The following MMD2 variants were observed in gnomAD, a reference collection of about 807,000 sequenced individuals.
MMD2 encodes the protein monocyte to macrophage differentiation associated 2.
In MMD2, 30 loss-of-function variants were observed where a neutral mutation model predicts 33.5. The ratio of observed to expected loss-of-function variants is 0.90; its 90% CI spans 0.67 to 1.22. The LOEUF is 1.22. MMD2 is among the 50% of genes most tolerant of loss of function. The pLI is 0.00. For missense variants in MMD2, 364 were observed against 325.4 expected (o/e 1.12, Z -0.91); for synonymous variants, 129 against 123.0 (o/e 1.05, Z -0.32).
chr7:4,909,638 G>A (rs1370198993), intron 6 of MMD2: 20 of 686,200 alleles, frequency 2.9e-5, no homozygotes, highest in Non-Finnish European at 4.2e-5. Context: ...GTCTTGCTAT[G>A]TTGCCCAGGC....
Position 4,909,911 on chromosome 7 carries a change from G to C in MMD2, c.507C>G (p.Gly169=). ...AGAGGATGACCAGGGCGGGGAAGAA[G>C]CCCATTACGACGTAGCAGAGAAGCT... ...LVELLCYVVM[G]FFPALVILSM... is the part of the protein sequence containing the mutation. The change falls in exon 6 of 7, where the codon GGC becomes GGG. Residue 169 remains glycine, a synonymous_variant. Coordinates refer to ENST00000401401, the MANE Select transcript of MMD2 (RefSeq NM_198403.4). The C allele has an allele frequency of 3.1e-6, 5 of 1,613,902 alleles. No homozygotes were observed. The highest frequency in any genetic ancestry group is 4.2e-6 in the Non-Finnish European group (5 of 1,179,874).
chr7:4,934,343 A>G (rs1352585747), intron 1 of MMD2, among the ~76,000 whole-genome samples: 1 of 152,144 alleles, frequency 6.6e-6, no homozygotes, highest in Non-Finnish European at 1.5e-5. Flanking sequence ...GTCTCAAGCA[A>G]TCCTCCCGCC....
chr7:4,901,313 C>T (rs917064926), downstream of MMD2, among the ~76,000 whole-genome samples: 2 of 151,778 alleles, frequency 1.3e-5, no homozygotes, highest in South Asian at 2.1e-4. Flanking sequence ...TAGTGGTATG[C>T]GCCTGTAATC....
the MMD2 span, among the ~76,000 whole-genome samples, chr7:4,895,409 T>A: frequency 1.3e-5 from 2 of 151,624 alleles, no homozygotes; most frequent in African/African-American, 4.8e-5. Context: ...AGGCTAGGGG[T>A]GGGATGGGCC....
chr7:4,914,166 C>G (rs1785085679), intron 4 of MMD2, among the ~76,000 whole-genome samples: 1 of 152,092 alleles, frequency 6.6e-6, no homozygotes, highest in Admixed American at 6.6e-5. Flanking sequence ...TCAAAAACTC[C>G]TCATGGATAT....
At chr7:4,919,705 G>A (rs1001305659) in intron 3 of MMD2, among the ~76,000 whole-genome samples, 12 of 152,136 alleles carry the variant, frequency 7.9e-5, no homozygotes, top group African/African-American at 2.4e-4. Context: ...GGCCAACATG[G>A]CGAAACCCCA....
At chr7:4,947,281 G>A (rs889680110) in intron 1 of MMD2, among the ~76,000 whole-genome samples, 3 of 152,120 alleles carry the variant, frequency 2.0e-5, no homozygotes, top group Admixed American at 1.3e-4. Flanking sequence ...GAAGCATGGC[G>A]GCTTCTGCTT....
chr7:4,944,498 C>A (rs1785997100), intron 1 of MMD2, among the ~76,000 whole-genome samples: 1 of 152,122 alleles, frequency 6.6e-6, no homozygotes, highest in South Asian at 2.1e-4. Context: ...GGCCGATGCT[C>A]TCCGTTTTTC....
intron 3 of MMD2, among the ~76,000 whole-genome samples, chr7:4,919,194 C>G (rs1172058004): frequency 6.6e-6 from 1 of 152,184 alleles, no homozygotes; most frequent in Non-Finnish European, 1.5e-5. Context: ...TGTAGCATGC[C>G]TGGAACGAAG....
chr7:4,921,285 G>C (rs543771337), intron 2 of MMD2, among the ~76,000 whole-genome samples: 1 of 152,176 alleles, frequency 6.6e-6, no homozygotes, highest in East Asian at 1.9e-4. Context: ...GCCCTAAGCA[G>C]CACAGGCGCC....
intron 1 of MMD2, among the ~76,000 whole-genome samples, chr7:4,944,758 T>C (rs1786005560): frequency 7.7e-6 from 1 of 129,770 alleles, no homozygotes; most frequent in African/African-American, 3.3e-5. Flanking sequence ...CTTCTTCTTC[T>C]TCTTTTTTTT....
At chr7:4,957,024 G>A (rs986637247) in intron 1 of MMD2, among the ~76,000 whole-genome samples, 3 of 151,990 alleles carry the variant, frequency 2.0e-5, no homozygotes, top group Non-Finnish European at 4.4e-5. Context: ...AAGTTAGCCA[G>A]GCTTGGTGGC....
chr7:4,925,327 T>C, intron 2 of MMD2, 124 bp downstream of exon 2: 1 of 602,278 alleles, frequency 1.7e-6, no homozygotes, highest in Non-Finnish European at 2.6e-6. Flanking sequence ...TGGCCTTCCC[T>C]GAGGGCCACA....
intron 1 of MMD2, among the ~76,000 whole-genome samples, chr7:4,936,608 G>C (rs201028936): frequency 6.6e-6 from 1 of 152,070 alleles, no homozygotes; most frequent in East Asian, 1.9e-4. Flanking sequence ...GCTCAGGCTG[G>C]TTTTGAACTC....
At chr7:4,953,322 A>G (rs527477410) in intron 1 of MMD2, among the ~76,000 whole-genome samples, 6 of 151,284 alleles carry the variant, frequency 4.0e-5, no homozygotes, top group African/African-American at 1.5e-4. Flanking sequence ...TGGAAACACC[A>G]TCAATATCAA....
At chr7:4,911,810 G>A (rs1185950834) in intron 4 of MMD2, among the ~76,000 whole-genome samples, 17 of 151,868 alleles carry the variant, frequency 1.1e-4, no homozygotes, top group Admixed American at 7.2e-4. Context: ...CACCATGCCC[G>A]GCTAATTTTG....
chr7:4,938,507 C>G (rs1785813860), intron 1 of MMD2, among the ~76,000 whole-genome samples: 1 of 152,068 alleles, frequency 6.6e-6, no homozygotes, highest in African/African-American at 2.4e-5. Flanking sequence ...CCCTCAAGAC[C>G]GCAGCTAATC....
chr7:4,901,219 T>C (rs554355224), downstream of MMD2, among the ~76,000 whole-genome samples: 51 of 151,632 alleles, frequency 3.4e-4, no homozygotes, highest in African/African-American at 1.1e-3. Flanking sequence ...GGTGGGCGGA[T>C]CACTTGAGGT....
the MMD2 span, among the ~76,000 whole-genome samples, chr7:4,894,802 A>G: frequency 1.3e-5 from 2 of 152,106 alleles, no homozygotes; most frequent in Admixed American, 6.6e-5. This position sits in a 1 kb window ranked among gnomAD's most constrained non-coding sequence, Gnocchi z 4.3. Flanking sequence ...CCTGCCCTCT[A>G]GGCACCCAGG....
Sources: gnomAD v4.1 joint callset for allele counts (sites outside exome capture counted in the v4.1 genomes callset) on GRCh38, gnomAD v4.1.1 for gene constraint, Gnocchi (gnomAD v3.1) non-coding constraint, MANE v1.5 for transcripts, NCBI Gene and HGNC (gene_info 2026-07-23, HGNC 2026-07-21) for gene names.